KNTC1: variants seen among roughly 807,000 people sequenced by gnomAD.
The protein encoded by KNTC1 is kinetochore-associated protein 1.
A neutral mutation model predicts 314.4 loss-of-function variants in KNTC1; 253 were observed. The observed-to-expected ratio is 0.80, with a 90% CI of 0.73 to 0.89. The LOEUF is 0.89. Ranked by LOEUF, KNTC1 falls within the 40% of genes least tolerant of loss-of-function variation. KNTC1 has a pLI of 0.00. For synonymous variants in KNTC1, 901 were observed against 901.4 expected, an observed-to-expected ratio of 1.00 and a Z score of 0.01; for missense variants, 2,475 against 2,572.9, an observed-to-expected ratio of 0.96 and a Z score of 0.82.
Position 122,602,845 on chromosome 12 carries a change from A to G in KNTC1, c.4842A>G (p.Glu1614=), listed in dbSNP as rs1872120399. 6.2e-7 allele frequency: 1 copy of G among 1,612,870 alleles called. No homozygotes were observed. The highest frequency in any genetic ancestry group is 1.3e-5 in the African/African-American group (1 of 74,918). ...FWKILSTELS[E]ESFPTLLLIS... Reference sequence around the variant, plus strand: ...CCTTTCTAGCTACAGAACTCAGTGAAGAATCTTTCCCAACATTGCTCTTAA... The same window carrying G: ...CCTTTCTAGCTACAGAACTCAGTGAGGAATCTTTCCCAACATTGCTCTTAA... Residue 1614 remains glutamate, a synonymous_variant, in exon 47 of 64, where the codon GAA becomes GAG. Transcript: ENST00000333479.
At chr12:122,549,193 C>T (rs1963012857) in intron 12 of KNTC1, among the ~76,000 whole-genome samples, 1 of 149,662 alleles carries the variant, frequency 6.7e-6, no homozygotes, top group South Asian at 2.1e-4. Flanking sequence ...GCTGGGATTA[C>T]AGATGTGCAC....
At chr12:122,604,131 G>C (rs1044465356) in intron 48 of KNTC1, among the ~76,000 whole-genome samples, 7 of 147,834 alleles carry the variant, frequency 4.7e-5, no homozygotes, top group Non-Finnish European at 1.0e-4. Flanking sequence ...AGAATTTAGA[G>C]AATAGGAATG....
chr12:122,592,340 C>G (rs911638625), intron 42 of KNTC1, among the ~76,000 whole-genome samples: 4 of 152,208 alleles, frequency 2.6e-5, no homozygotes, highest in Non-Finnish European at 4.4e-5. Flanking sequence ...CCCGAGCCTC[C>G]CCGACAAATG....
intron 40 of KNTC1, among the ~76,000 whole-genome samples, chr12:122,589,027 C>T (rs932159853): frequency 6.6e-6 from 1 of 151,844 alleles, no homozygotes; most frequent in Non-Finnish European, 1.5e-5. Context: ...CAATCTTGTC[C>T]ACTGTCGTAT....
intron 51 of KNTC1, among the ~76,000 whole-genome samples, chr12:122,605,870 G>A (rs1018387234): frequency 2.6e-5 from 4 of 151,824 alleles, no homozygotes; most frequent in Admixed American, 6.6e-5. Flanking sequence ...TAAAGACAGA[G>A]TTTCGCTCTG....
intron 34 of KNTC1, 135 bp downstream of exon 34, chr12:122,583,120 G>A: frequency 2.6e-6 from 2 of 774,204 alleles, no homozygotes; most frequent in Non-Finnish European, 4.1e-6. Flanking sequence ...GACCATCCTG[G>A]CTAACATGGT....
intron 20 of KNTC1, among the ~76,000 whole-genome samples, chr12:122,563,415 AGTAATAAT>A (rs1481388342): frequency 6.6e-6 from 1 of 152,202 alleles, no homozygotes; most frequent in Non-Finnish European, 1.5e-5. Flanking sequence ...ACTATTTAAC[AGTAATAAT>A]TATGTCCTGT....
chr12:122,598,258 G>C (rs1468890477), intron 44 of KNTC1, among the ~76,000 whole-genome samples: 1 of 152,038 alleles, frequency 6.6e-6, no homozygotes, highest in East Asian at 1.9e-4. Flanking sequence ...TAATAGTGTG[G>C]TGTAGTAACT....
intron 16 of KNTC1, among the ~76,000 whole-genome samples, chr12:122,553,950 AAG>A (rs974064422): frequency 6.6e-6 from 1 of 151,748 alleles, no homozygotes; most frequent in African/African-American, 2.4e-5. Flanking sequence ...GGGAAGTAAT[AAG>A]AGAGAAAGCC....
At position 122,618,398 on chromosome 12, in the gene KNTC1, G is replaced by T. The variant is rs1203464998; in HGVS notation, c.6085+1G>T. The T allele has an allele frequency of 6.2e-7, 1 of 1,613,558 alleles. No homozygotes were observed. The highest frequency in any genetic ancestry group is 1.7e-5 in the Admixed American group (1 of 60,006). ...GTGATACAGATACCACTGCTTTCAG[G>T]TATTTCGCTCTCTGAAACATTGGCT... is the stretch of plus-strand genomic sequence containing the variant. On this transcript the variant is annotated splice_donor_variant, in intron 58 of 63. Transcript: ENST00000333479. LOFTEE classifies it high-confidence loss of function.
At position 122,561,995 on chromosome 12, in the gene KNTC1, G is replaced by A. The variant is rs763955857; in HGVS notation, c.1542+21G>A. The A allele has an allele frequency of 2.5e-6, 4 of 1,589,588 alleles. No individual in the cohort carries two copies. The East Asian group carries it at 9.0e-5, about 36-fold the overall frequency. Reference sequence around the variant, plus strand: ...AAGAGGTAATTACACTAGATTTCTAGGTTAATATGTGGGTGAATATACCTT... The same window carrying A: ...AAGAGGTAATTACACTAGATTTCTAAGTTAATATGTGGGTGAATATACCTT... On this transcript the variant is annotated intron_variant, in intron 19 of 63. Coordinates refer to ENST00000333479, the MANE Select transcript of KNTC1 (RefSeq NM_014708.6).
chr12:122,602,123 T>C (rs1872002499), intron 45 of KNTC1, among the ~76,000 whole-genome samples: 1 of 151,726 alleles, frequency 6.6e-6, no homozygotes, highest in Admixed American at 6.6e-5. Context: ...AATATTTTAA[T>C]ATTATGTTAA....
intron 24 of KNTC1, among the ~76,000 whole-genome samples, chr12:122,571,540 G>T (rs1964689649): frequency 6.6e-6 from 1 of 151,572 alleles, no homozygotes; most frequent in Non-Finnish European, 1.5e-5. Flanking sequence ...TGTATTTTTT[G>T]TAAAGAAGGG....
Position 122,562,663 on chromosome 12 carries a change from C to T in KNTC1, c.1568C>T (p.Thr523Ile). Residue 523 changes from threonine to isoleucine, a missense_variant, in exon 20 of 64, where the codon ACT (threonine) becomes ATT (isoleucine). Thr to Ile is a moderately conservative substitution (Grantham distance 89). Transcript: ENST00000333479. ...GTGCTAAGAGCTCATGCAAAATTGA[C>T]TACTTTTTATGGAGCATTTGGACCA... Reference protein sequence around the residue: ...KEVLRAHAKLTTFYGAFGPEK... With the variant: ...KEVLRAHAKLITFYGAFGPEK... The T allele has an allele frequency of 6.2e-7, 1 of 1,609,206 alleles. No homozygotes were observed. The highest frequency in any genetic ancestry group is 2.2e-5 in the East Asian group (1 of 44,824).
chr12:122,566,618 C>T (rs906213499), intron 20 of KNTC1, among the ~76,000 whole-genome samples: 1 of 151,976 alleles, frequency 6.6e-6, no homozygotes, highest in African/African-American at 2.4e-5. Context: ...TCATTTGGAG[C>T]AGACTGGTTT....
chr12:122,557,576 C>T (rs1239455179), intron 17 of KNTC1, 24 bp from the exon 18 acceptor site: 2 of 1,612,184 alleles, frequency 1.2e-6, no homozygotes, highest in African/African-American at 1.3e-5. Flanking sequence ...GGTTGCCTTA[C>T]TGTGTCTGGC....
At chr12:122,563,946 A>G (rs1964142884) in intron 20 of KNTC1, among the ~76,000 whole-genome samples, 1 of 152,222 alleles carries the variant, frequency 6.6e-6, no homozygotes, top group Admixed American at 6.5e-5. Flanking sequence ...AAAGATAAAA[A>G]TACATCATTT....
rs372209030 is a variant in KNTC1, at chr12:122,576,891, G to T, written c.2587-4G>T. 1.0e-3 allele frequency: 1,605 copies of T among 1,559,412 alleles called. 6 individuals are homozygous for T. Among genetic ancestry groups the T allele is most frequent in the Non-Finnish European group, 1.3e-3 (1,511 of 1,157,248 alleles). The stretch of plus-strand genomic sequence containing the variant: ...CAAAGAAATGTTCATATTGTCTTTT[G>T]CAGAGAGTGGTTAGATACATTCTCA... On this transcript the variant is annotated splice_region_variant and splice_polypyrimidine_tract_variant and intron_variant, in intron 29 of 63. Transcript: ENST00000333479.
At chr12:122,549,902 CT>C in intron 13 of KNTC1, 38 bp downstream of exon 13, 1 of 1,146,492 alleles carries the variant, frequency 8.7e-7, no homozygotes. Context: ...CTTTTAACTA[CT>C]TTTTTCTTTA....
Sources: allele counts gnomAD v4.1 joint callset (sites outside exome capture counted in the v4.1 genomes callset), GRCh38; gene constraint gnomAD v4.1.1; transcripts MANE v1.5; gene names NCBI Gene and HGNC (gene_info 2026-07-23, HGNC 2026-07-21).